DTNA: variants seen among roughly 807,000 people sequenced by gnomAD.
The protein encoded by DTNA is dystrophin-related protein 3.
In DTNA, 43 loss-of-function variants were observed where a neutral mutation model predicts 100.7. The observed-to-expected ratio is 0.43, with a 90% CI of 0.33 to 0.55. DTNA has a LOEUF of 0.55. Ranked by LOEUF, DTNA falls within the 20% of genes least tolerant of loss-of-function variation. The pLI is 0.04. For synonymous variants in DTNA, 349 were observed against 347.9 expected (o/e 1.00, Z -0.04); for missense variants, 798 against 953.9 (o/e 0.84, Z 2.15).
intron 18 of DTNA, 42 bp downstream of exon 18, chr18:34,875,440 C>T (rs763763171): frequency 1.2e-6 from 2 of 1,613,418 alleles, no homozygotes; most frequent in African/African-American, 1.3e-5. Flanking sequence ...TTTTATGTGG[C>T]AAATAGGTCA....
intron 1 of DTNA, among the ~76,000 whole-genome samples, chr18:34,731,372 G>A (rs987919941): frequency 2.6e-5 from 4 of 152,010 alleles, no homozygotes; most frequent in African/African-American, 4.8e-5. Context: ...CCAGCTACTC[G>A]GGAGGCTGAG....
chr18:34,866,849 C>T, intron 17 of DTNA: 2 of 1,028,706 alleles, frequency 1.9e-6, no homozygotes, highest in Non-Finnish European at 2.3e-6. Flanking sequence ...CCTTTCGGCT[C>T]CGGGAGACGA....
chr18:34,737,088 G>A (rs1406843401), intron 1 of DTNA, among the ~76,000 whole-genome samples: 1 of 152,126 alleles, frequency 6.6e-6, no homozygotes, highest in South Asian at 2.1e-4. Context: ...GTATTCTAAG[G>A]ATATTTGGAT....
chr18:34,810,885 G>T (rs1297620395), intron 5 of DTNA, among the ~76,000 whole-genome samples: 3 of 152,114 alleles, frequency 2.0e-5, no homozygotes, highest in Non-Finnish European at 4.4e-5. Context: ...TGAAACAGCG[G>T]AAACCCTTTA....
chr18:34,739,463 A>G (rs2090226053), intron 1 of DTNA, among the ~76,000 whole-genome samples: 1 of 152,174 alleles, frequency 6.6e-6, no homozygotes, highest in African/African-American at 2.4e-5. Context: ...GGGAATAAAA[A>G]CTGAAGTTTA....
chr18:34,707,592 T>C (rs140187008), upstream of DTNA, among the ~76,000 whole-genome samples: 444 of 152,118 alleles, frequency 2.9e-3, 2 homozygotes, highest in African/African-American at 0.01. Context: ...AGCTCTTACA[T>C]TTACAAAATG....
At chr18:34,794,858 A>G (rs1194702853) in intron 4 of DTNA, among the ~76,000 whole-genome samples, 1 of 152,236 alleles carries the variant, frequency 6.6e-6, no homozygotes, top group African/African-American at 2.4e-5. Flanking sequence ...CTGAGATCTT[A>G]AAGGCTGTTC....
intron 1 of DTNA, among the ~76,000 whole-genome samples, chr18:34,646,559 A>G (rs770864151): frequency 1.5e-4 from 23 of 152,218 alleles, no homozygotes; most frequent in Non-Finnish European, 2.8e-4. Context: ...TAAACTGTAC[A>G]TTACAGATTA....
At chr18:34,620,317 T>C (rs2056223422) in intron 1 of DTNA, among the ~76,000 whole-genome samples, 1 of 152,228 alleles carries the variant, frequency 6.6e-6, no homozygotes, top group Non-Finnish European at 1.5e-5. Flanking sequence ...TTTTTAAATG[T>C]CAATTTTAAA....
intron 3 of DTNA, among the ~76,000 whole-genome samples, chr18:34,791,313 T>C (rs964851965): frequency 6.6e-6 from 1 of 152,074 alleles, no homozygotes; most frequent in African/African-American, 2.4e-5. Flanking sequence ...AGATGTCTGT[T>C]CCACATCATC....
chr18:34,692,213 C>A (rs73416435), intron 1 of DTNA, among the ~76,000 whole-genome samples: 4,156 of 152,162 alleles, frequency 0.027, 216 homozygotes, highest in African/African-American at 0.095. Context: ...AGTTAAGATC[C>A]TAACACTTTA....
At chr18:34,719,879 C>T (rs1439986987) in intron 1 of DTNA, among the ~76,000 whole-genome samples, 1 of 152,132 alleles carries the variant, frequency 6.6e-6, no homozygotes, top group Non-Finnish European at 1.5e-5. Flanking sequence ...AAAGAATGGG[C>T]CTCATTGAAA....
intron 1 of DTNA, among the ~76,000 whole-genome samples, chr18:34,543,484 A>G (rs1399798970): frequency 3.9e-5 from 6 of 152,068 alleles, no homozygotes; most frequent in African/African-American, 1.4e-4. Context: ...GTGCTGATGA[A>G]AGTACTCTAT....
intron 1 of DTNA, among the ~76,000 whole-genome samples, chr18:34,614,133 C>A (rs2054767748): frequency 6.6e-6 from 1 of 152,152 alleles, no homozygotes; most frequent in Admixed American, 6.5e-5. Flanking sequence ...AATGGAATAA[C>A]AAAGCTTGGA....
chr18:34,875,455 G>A, intron 18 of DTNA, 57 bp downstream of exon 18: 1 of 1,612,216 alleles, frequency 6.2e-7, no homozygotes, highest in African/African-American at 1.3e-5. Context: ...AGGTCACCAA[G>A]GTCTATTGAG....
intron 1 of DTNA, among the ~76,000 whole-genome samples, chr18:34,749,643 A>AAATAATAAT (rs71166024): frequency 0.019 from 764 of 39,844 alleles, 9 homozygotes; most frequent in African/African-American, 0.052. Context: ...TCTCTCCAAA[A>AAATAATAAT]AATAATAATA....
intron 1 of DTNA, among the ~76,000 whole-genome samples, chr18:34,560,798 A>G (rs894045867): frequency 5.9e-5 from 9 of 152,034 alleles, no homozygotes; most frequent in South Asian, 4.1e-4. Context: ...GCGTGTGCCT[A>G]TTAGTCCCAG....
chr18:34,735,925 T>G (rs1271256563), intron 1 of DTNA, among the ~76,000 whole-genome samples: 1 of 152,156 alleles, frequency 6.6e-6, no homozygotes, highest in Non-Finnish European at 1.5e-5. Context: ...TTCATCTCCT[T>G]TTGTTATCTC....
intron 17 of DTNA, among the ~76,000 whole-genome samples, chr18:34,870,115 TA>T (rs2150251800): frequency 1.3e-5 from 2 of 152,384 alleles, no homozygotes; most frequent in Admixed American, 1.3e-4. Context: ...AACTACATTT[TA>T]AACTTTGGGA....
Sources: gnomAD v4.1 joint callset for allele counts (sites outside exome capture counted in the v4.1 genomes callset) on GRCh38, gnomAD v4.1.1 for gene constraint, MANE v1.5 for transcripts, NCBI Gene and HGNC (gene_info 2026-07-23, HGNC 2026-07-21) for gene names.